The following STK38L variants were observed in gnomAD, a reference collection of about 807,000 sequenced individuals.
STK38L encodes serine/threonine-protein kinase 38-like.
In STK38L, 28 loss-of-function variants were observed where a neutral mutation model predicts 59.7. The observed-to-expected ratio is 0.47, with a 90% CI of 0.35 to 0.64. STK38L has a LOEUF of 0.64. Among genes scored for constraint, STK38L ranks in the 30% least tolerant of loss-of-function variants. The pLI is 0.01. For missense variants in STK38L, 314 were observed against 555.8 expected, an observed-to-expected ratio of 0.56 and a Z score of 4.37; for synonymous variants, 162 against 176.8, an observed-to-expected ratio of 0.92 and a Z score of 0.66.
chr12:27,248,940 A>G (rs1942915033), intron 1 of STK38L, among the ~76,000 whole-genome samples: 1 of 152,226 alleles, frequency 6.6e-6, no homozygotes, highest in Non-Finnish European at 1.5e-5. Context: ...TCTTTAGCCC[A>G]TCATTTCATG....
At chr12:27,276,235 G>T (rs780646268) in intron 1 of STK38L, among the ~76,000 whole-genome samples, 2 of 151,934 alleles carry the variant, frequency 1.3e-5, no homozygotes, top group Non-Finnish European at 2.9e-5. Flanking sequence ...ACTCCCCTTC[G>T]CATTATTTTG....
chr12:27,312,473 G>A, intron 5 of STK38L, 76 bp from the exon 6 acceptor site: 2 of 1,485,412 alleles, frequency 1.3e-6, no homozygotes, highest in South Asian at 2.5e-5. Context: ...TGTTATGGAT[G>A]GATAAGTGTA....
chr12:27,288,776 C>T (rs1943834204), intron 1 of STK38L, among the ~76,000 whole-genome samples: 1 of 150,590 alleles, frequency 6.6e-6, no homozygotes, highest in African/African-American at 2.4e-5. Flanking sequence ...TGAATATTTC[C>T]TCCTTTACAA....
In STK38L at chr12:27,323,639, G is replaced by C. The variant is rs1288822384; in HGVS notation, c.*1184G>C. On this transcript the variant is annotated 3_prime_UTR_variant, in exon 14 of 14. Transcript: ENST00000389032. ...TCAGACCTGACAGATCTTTGATAGA[G>C]GTCAGCTTATTAAAGGGCAATATTG... is the stretch of plus-strand genomic sequence containing the variant. The C allele has an allele frequency of 6.6e-6, 1 of 152,486 alleles. No homozygotes were observed. The highest frequency in any genetic ancestry group is 2.4e-5 in the African/African-American group (1 of 41,418). 9.4% of individuals were successfully genotyped at this position (152,486 alleles called of 1,614,324 possible). A position where few individuals can be genotyped will look rare whatever the true frequency, so the allele number is the denominator to read the frequency against.
At chr12:27,319,286 A>C (rs377484331) in intron 11 of STK38L, 42 bp from the exon 12 acceptor site, 1 of 1,308,932 alleles carries the variant, frequency 7.6e-7, no homozygotes, top group African/African-American at 1.5e-5. Flanking sequence ...AATACTTTAG[A>C]TGTAACTTGT....
chr12:27,315,403 C>T (rs1393676359), intron 9 of STK38L, 53 bp downstream of exon 9: 1 of 1,368,324 alleles, frequency 7.3e-7, no homozygotes, highest in Non-Finnish European at 1.0e-6. Flanking sequence ...AAAATCTTAC[C>T]TGGTTTTAAC....
intron 1 of STK38L, among the ~76,000 whole-genome samples, chr12:27,264,557 A>G (rs1395686769): frequency 2.6e-5 from 4 of 152,242 alleles, no homozygotes; most frequent in Non-Finnish European, 4.4e-5. Flanking sequence ...GCATCCACTG[A>G]TTCAAACAAC....
chr12:27,251,849 CATT>C (rs1942981409), intron 1 of STK38L, among the ~76,000 whole-genome samples: 1 of 152,144 alleles, frequency 6.6e-6, no homozygotes, highest in African/African-American at 2.4e-5. Flanking sequence ...TTGTCTATCT[CATT>C]GTGCACTCAA....
intron 3 of STK38L, among the ~76,000 whole-genome samples, chr12:27,303,409 TC>T (rs1293420964): frequency 2.0e-5 from 3 of 152,132 alleles, no homozygotes; most frequent in Non-Finnish European, 4.4e-5. Context: ...TGGGAAATCT[TC>T]CTTAACCTCT....
rs534526333 is a variant in STK38L, at chr12:27,308,921, T to C, written c.310-193T>C. Among the ~76,000 whole-genome samples the C allele has an allele frequency of 6.3e-4, 92 of 145,660 alleles. 2 individuals are homozygous for C. Among genetic ancestry groups the C allele is most frequent in the African/African-American group, 2.1e-3 (84 of 40,270 alleles). ...ATAAATATATATAAATATATATTAA[T>C]ATATATAAAATATATATAAATATAT... On this transcript the variant is annotated intron_variant, in intron 4 of 13. Coordinates refer to ENST00000389032, the MANE Select transcript of STK38L (RefSeq NM_015000.4). This position sits in a 1 kb window ranked among gnomAD's most constrained non-coding sequence, Gnocchi z 4.5.
intron 1 of STK38L, chr12:27,293,800 G>GT (rs1943948686): frequency 1.3e-5 from 2 of 152,300 alleles, no homozygotes; most frequent in Admixed American, 1.3e-4. Context: ...ATTATAAAAG[G>GT]TTTTTTATGT....
In STK38L at chr12:27,324,435, C is replaced by G. The variant is rs892870335; in HGVS notation, c.*1980C>G. 6.6e-6 allele frequency: 1 copy of G among 151,944 alleles called. No individual in the cohort carries two copies. The highest frequency in any genetic ancestry group is 1.5e-5 in the Non-Finnish European group (1 of 67,936). The allele number at this position is 151,944 out of a possible 1,614,324, so 9.4% of individuals were successfully genotyped here. A position where few individuals can be genotyped will look rare whatever the true frequency, so the allele number is the denominator to read the frequency against. ...AGATATGAGATAATTGCAACATTGTCTAGTTCTAGTATGGTAACTATTCTT... is the reference window on the plus strand; with the variant it reads ...AGATATGAGATAATTGCAACATTGTGTAGTTCTAGTATGGTAACTATTCTT... On this transcript the variant is annotated 3_prime_UTR_variant, in exon 14 of 14. Transcript: ENST00000389032.
intron 1 of STK38L, among the ~76,000 whole-genome samples, chr12:27,246,065 C>T (rs557207257): frequency 6.6e-6 from 1 of 152,178 alleles, no homozygotes; most frequent in African/African-American, 2.4e-5. Flanking sequence ...AGAATGGAGA[C>T]TGAGATGATT....
At chr12:27,245,044 G>C (rs2136595500) in intron 1 of STK38L, among the ~76,000 whole-genome samples, 1 of 152,268 alleles carries the variant, frequency 6.6e-6, no homozygotes, top group Non-Finnish European at 1.5e-5. Context: ...AAGTTGCCAG[G>C]TTGACAGCAA....
chr12:27,314,044 A>G (rs1392760956), intron 6 of STK38L, among the ~76,000 whole-genome samples: 2 of 152,182 alleles, frequency 1.3e-5, no homozygotes, highest in Admixed American at 6.5e-5. Context: ...CTGCTATGCA[A>G]TAGCACTTTT....
intron 1 of STK38L, among the ~76,000 whole-genome samples, chr12:27,292,228 T>C (rs769577315): frequency 1.3e-5 from 2 of 152,336 alleles, no homozygotes; most frequent in Non-Finnish European, 2.9e-5. Context: ...TGCAATACAA[T>C]AAGTGCCAGT....
At chr12:27,280,140 G>T (rs1304009829) in intron 1 of STK38L, among the ~76,000 whole-genome samples, 1 of 152,070 alleles carries the variant, frequency 6.6e-6, no homozygotes, top group Non-Finnish European at 1.5e-5. Flanking sequence ...TACTATGAAG[G>T]GTTTCTGTTT....
intron 1 of STK38L, among the ~76,000 whole-genome samples, chr12:27,264,667 A>G (rs1943267176): frequency 6.6e-6 from 1 of 152,242 alleles, no homozygotes; most frequent in South Asian, 2.1e-4. Flanking sequence ...TTTACATCAT[A>G]TTAAGTATTA....
chr12:27,290,505 C>T (rs1212765241), intron 1 of STK38L, among the ~76,000 whole-genome samples: 2 of 152,226 alleles, frequency 1.3e-5, no homozygotes, highest in East Asian at 3.8e-4. Context: ...CTTATACTTT[C>T]TGTCCTTACT....
Sources: gnomAD v4.1 joint callset for allele counts (sites outside exome capture counted in the v4.1 genomes callset) on GRCh38, gnomAD v4.1.1 for gene constraint, Gnocchi (gnomAD v3.1) non-coding constraint, MANE v1.5 for transcripts, NCBI Gene and HGNC (gene_info 2026-07-23, HGNC 2026-07-21) for gene names.